CCDC38: variants seen among roughly 807,000 people sequenced by gnomAD.
CCDC38 encodes the protein coiled-coil domain containing 38, also known as coiled-coil domain-containing protein 38.
A neutral mutation model predicts 72.8 loss-of-function variants in CCDC38; 69 were observed. That is an observed-to-expected ratio of 0.95 (90% confidence interval 0.78 to 1.16). CCDC38 has a LOEUF of 1.16. CCDC38 is among the 50% of genes most tolerant of loss of function. The pLI, the probability that CCDC38 is intolerant of heterozygous loss-of-function variation, is 0.00. For synonymous variants in CCDC38, 201 were observed against 213.2 expected (o/e 0.94, Z 0.50); for missense variants, 626 against 638.9 (o/e 0.98, Z 0.22).
Position 95,917,196 on chromosome 12 carries a change from A to T in CCDC38, c.237T>A (p.Pro79=), listed in dbSNP as rs1247751915. The T allele has an allele frequency of 6.2e-7, 1 of 1,609,372 alleles. No individual in the cohort carries two copies. Among genetic ancestry groups the T allele is most frequent in the East Asian group, 2.2e-5 (1 of 44,518 alleles). Residue 79 remains proline, a synonymous_variant, in exon 4 of 16, where the codon CCT becomes CCA. Coordinates refer to ENST00000344280, the MANE Select transcript of CCDC38 (RefSeq NM_182496.3). ...TTTCAAATGACCTACCACTCCTTTTAGGGTAGAAAGCTAGTTGGCTCAGGT... is the reference window on the plus strand; with the variant it reads ...TTTCAAATGACCTACCACTCCTTTTTGGGTAGAAAGCTAGTTGGCTCAGGT... ...HSYLSQLAFY[P]KRSGRSFEKF...
At chr12:95,894,557 T>C (rs1218312068) in intron 8 of CCDC38, among the ~76,000 whole-genome samples, 1 of 152,122 alleles carries the variant, frequency 6.6e-6, no homozygotes, top group African/African-American at 2.4e-5. Flanking sequence ...CTCTCTTAGT[T>C]TCCACAAGAG....
intron 10 of CCDC38, among the ~76,000 whole-genome samples, chr12:95,884,263 G>T (rs2079732918): frequency 6.6e-6 from 1 of 152,176 alleles, no homozygotes; most frequent in Non-Finnish European, 1.5e-5. Context: ...ACAATCAATT[G>T]TATTTCTCTA....
At chr12:95,874,931 C>CAGTTCTCTCAATTG (rs1430150125) in intron 13 of CCDC38, among the ~76,000 whole-genome samples, 1 of 152,184 alleles carries the variant, frequency 6.6e-6, no homozygotes, top group Non-Finnish European at 1.5e-5. Flanking sequence ...GTTGACTGTA[C>CAGTTCTCTCAATTG]ACAGTTCTCT....
chr12:95,934,259 G>A (rs1340143105), intron 2 of CCDC38: 1 of 152,114 alleles, frequency 6.6e-6, no homozygotes, highest in Non-Finnish European at 1.5e-5. Flanking sequence ...CCAAGGGATA[G>A]GGTATGTAGT....
intron 1 of CCDC38, among the ~76,000 whole-genome samples, chr12:95,938,916 C>T (rs192843419): frequency 4.6e-5 from 7 of 152,256 alleles, no homozygotes; most frequent in Admixed American, 1.3e-4. Flanking sequence ...CATCCAACTT[C>T]CAATAGATGA....
chr12:95,869,762 TG>T, intron 14 of CCDC38, 189 bp from the exon 15 acceptor site: 1 of 528,760 alleles, frequency 1.9e-6, no homozygotes, highest in Non-Finnish European at 3.3e-6. Flanking sequence ...AATACTATTT[TG>T]AAATGGGAAG....
chr12:95,867,196 C>A lies in CCDC38; in HGVS notation c.1579-7G>T. On this transcript the variant is annotated splice_region_variant and splice_polypyrimidine_tract_variant and intron_variant, in intron 15 of 15. Coordinates refer to ENST00000344280, the MANE Select transcript of CCDC38 (RefSeq NM_182496.3). ...AGACAAGTCGTCTTCCCAACTGAAA[C>A]AAAAGAAAAACAAAATACTTAATAT... The A allele has an allele frequency of 2.0e-6, 3 of 1,466,342 alleles. No individual in the cohort carries two copies. Among genetic ancestry groups the A allele is most frequent in the South Asian group, 1.2e-5 (1 of 83,362 alleles). 90.8% of individuals were successfully genotyped at this position (1,466,342 alleles called of 1,614,324 possible).
At chr12:95,917,369 A>G (rs895734605) in intron 3 of CCDC38, 75 bp from the exon 4 acceptor site, 44 of 1,214,020 alleles carry the variant, frequency 3.6e-5, no homozygotes, top group Admixed American at 8.5e-5. Context: ...GATTATATAT[A>G]AAAATAACAT....
chr12:95,897,655 G>A (rs959044608), intron 7 of CCDC38, among the ~76,000 whole-genome samples: 1 of 148,402 alleles, frequency 6.7e-6, no homozygotes. Context: ...GAGTTTCCTT[G>A]ACCATAGAAG....
At chr12:95,875,431 T>C (rs1415563122) in intron 13 of CCDC38, among the ~76,000 whole-genome samples, 1 of 35,104 alleles carries the variant, frequency 2.8e-5, no homozygotes, top group African/African-American at 4.0e-4. Context: ...GGATTAAGTA[T>C]CATTAAGAGT....
intron 2 of CCDC38, among the ~76,000 whole-genome samples, chr12:95,919,948 C>T (rs141444683): frequency 1.6e-4 from 25 of 152,288 alleles, no homozygotes; most frequent in Middle Eastern, 3.4e-3. Context: ...AAGTTGAACA[C>T]AGAATTGCCA....
At chr12:95,921,025 G>A (rs890721385) in intron 2 of CCDC38, among the ~76,000 whole-genome samples, 5 of 151,968 alleles carry the variant, frequency 3.3e-5, no homozygotes, top group Admixed American at 1.3e-4. Context: ...CTCCTTGGGA[G>A]GCTAAGTCAG....
At chr12:95,898,311 A>T (rs1565952308) in intron 7 of CCDC38, 74 bp downstream of exon 7, 2 of 1,345,436 alleles carry the variant, frequency 1.5e-6, no homozygotes, top group Non-Finnish European at 2.1e-6. Context: ...CAGGATTATT[A>T]GGTCTTACCT....
chr12:95,877,956 A>G (rs2079653170), intron 13 of CCDC38, among the ~76,000 whole-genome samples: 10 of 152,234 alleles, frequency 6.6e-5, no homozygotes. Flanking sequence ...TTTCGAGGGG[A>G]AACTATGGTC....
intron 12 of CCDC38, among the ~76,000 whole-genome samples, chr12:95,878,946 G>A (rs751523531): frequency 6.6e-6 from 1 of 152,146 alleles, no homozygotes; most frequent in African/African-American, 2.4e-5. Context: ...AATTTGTTTT[G>A]AAGTTAAATG....
At position 95,879,770 on chromosome 12, in the gene CCDC38, G is replaced by A; in HGVS notation, c.1016C>T (p.Pro339Leu). 2.5e-6 allele frequency: 4 copies of A among 1,607,580 alleles called. No homozygotes were observed. The highest frequency in any genetic ancestry group is 3.4e-6 in the Non-Finnish European group (4 of 1,177,116). The change falls in exon 12 of 16, where the codon CCA (proline) becomes CTA (leucine). Residue 339 changes from proline to leucine, a missense_variant. Pro to Leu is a moderately conservative substitution (Grantham distance 98). Transcript: ENST00000344280. This position sits in a 1 kb window ranked among gnomAD's most constrained non-coding sequence, Gnocchi z 5.5. ...TCTGAGGACTTGAAGTAACTCCTCT[G>A]GTTCCTTGAAATAAAGTGCTGGCTC... ...DLEPALYFKE[P>L]EELLQVLREL...
At chr12:95,936,042 C>G (rs555452726) in intron 2 of CCDC38, among the ~76,000 whole-genome samples, 4 of 151,980 alleles carry the variant, frequency 2.6e-5, no homozygotes, top group African/African-American at 9.7e-5. Context: ...TGCGCCAATG[C>G]ACTCCAGCTT....
intron 8 of CCDC38, among the ~76,000 whole-genome samples, chr12:95,894,411 T>C (rs2079863446): frequency 6.6e-6 from 1 of 152,230 alleles, no homozygotes; most frequent in Non-Finnish European, 1.5e-5. Flanking sequence ...TATTGCTTTA[T>C]GCTACACTCC....
At chr12:95,886,111 C>T (rs1490876484) in intron 10 of CCDC38, among the ~76,000 whole-genome samples, 3 of 152,094 alleles carry the variant, frequency 2.0e-5, no homozygotes, top group Non-Finnish European at 4.4e-5. Flanking sequence ...GATCATGTGG[C>T]AGGACAGCCA....
Sources: gnomAD v4.1 joint callset for allele counts (sites outside exome capture counted in the v4.1 genomes callset) on GRCh38, gnomAD v4.1.1 for gene constraint, Gnocchi (gnomAD v3.1) non-coding constraint, MANE v1.5 for transcripts, NCBI Gene and HGNC (gene_info 2026-07-23, HGNC 2026-07-21) for gene names.